The following ZNF843 variants were observed in gnomAD, a reference collection of about 807,000 sequenced individuals.
ZNF843 encodes the protein zinc finger protein 843.
For synonymous variants in ZNF843, 185 were observed against 207.7 expected (o/e 0.89, Z 0.94); for missense variants, 482 against 469.4 (o/e 1.03, Z -0.25).
chr16:31,436,029 C>G lies in ZNF843; in HGVS notation c.821G>C (p.Ser274Thr). Residue 274 changes from serine to threonine, a missense_variant, in exon 2 of 2, where the codon AGC becomes ACC. Coordinates refer to ENST00000315678, the MANE Select transcript of ZNF843 (RefSeq NM_001136509.3). Reference sequence around the variant, plus strand: ...CGCCTCCCGCGAGTCCCGTCCCGCGCTCGCACAGCTTCTGGGCCCCATCGC... The same window carrying G: ...CGCCTCCCGCGAGTCCCGTCCCGCGGTCGCACAGCTTCTGGGCCCCATCGC... ...EGAMGPRSCASAGRDSREAVQ... is the reference protein window; with the variant it reads ...EGAMGPRSCATAGRDSREAVQ... The G allele has an allele frequency of 6.5e-7, 1 of 1,533,508 alleles. No homozygotes were observed. Among genetic ancestry groups the G allele is most frequent in the Non-Finnish European group, 8.8e-7 (1 of 1,138,594 alleles). The allele number at this position is 1,533,508 out of a possible 1,614,324, so 95.0% of individuals were successfully genotyped here. A position where few individuals can be genotyped will look rare whatever the true frequency, so the allele number is the denominator to read the frequency against.
chr16:31,436,769 GGTGAATCTGCCGGTGCTGCAGCA>G lies in ZNF843; in HGVS notation c.58_80del (p.Cys20ProfsTer72), dbSNP rs2082183919. The G allele has an allele frequency of 4.5e-6, 7 of 1,551,864 alleles. No homozygotes were observed. Among genetic ancestry groups the G allele is most frequent in the Non-Finnish European group, 6.1e-6 (7 of 1,147,074 alleles). The stretch of plus-strand genomic sequence containing the variant: ...TGCACTTGCAGGGCTGACGGCCCTG[GGTGAATCTGCCGGTGCTGCAGCA>G]GGTAGGAGCTCTGGCTGAAACGCTT... On this transcript the variant is annotated frameshift_variant, in exon 2 of 2. Transcript: ENST00000315678. LOFTEE classifies it low-confidence loss of function (END_TRUNC).
rs1197562078 is a variant in ZNF843, at chr16:31,435,938, G to T, written c.912C>A (p.Leu304=). 6.5e-7 allele frequency: 1 copy of T among 1,542,736 alleles called. No individual in the cohort carries two copies. The change falls in exon 2 of 2, where the codon CTC becomes CTA. Residue 304 remains leucine (L), a synonymous_variant. Coordinates refer to ENST00000315678, the MANE Select transcript of ZNF843 (RefSeq NM_001136509.3). ...KASQHRAAGP[L]GEARARLQRQ... ...GCTGAAGCCTGGCCCTGGCCTCGCC[G>T]AGCGGTCCGGCCGCTCTGTGCTGCG...
In ZNF843 at chr16:31,436,286, G is replaced by A. The variant is rs750936409; in HGVS notation, c.564C>T (p.Val188=). The A allele has an allele frequency of 6.5e-7, 1 of 1,549,312 alleles. No individual in the cohort carries two copies. The highest frequency in any genetic ancestry group is 1.2e-5 in the South Asian group (1 of 83,636). The change falls in exon 2 of 2, where the codon GTC becomes GTT. Residue 188 remains valine, a synonymous_variant. Transcript: ENST00000315678. The part of the protein sequence containing the change: ...VESVSLAPSS[V]APDSTSGLRP... ...GGAGCCCAGAGGTGCTGTCCGGGGC[G>A]ACTGAGCTGGGTGCGAGGCTGACGC... is the stretch of plus-strand genomic sequence containing the variant.
At chr16:31,438,963 G>T (rs897344696) in intron 1 of ZNF843, among the ~76,000 whole-genome samples, 7 of 132,204 alleles carry the variant, frequency 5.3e-5, no homozygotes, top group Admixed American at 9.0e-5. Flanking sequence ...AGAACACATG[G>T]ACACAGGAAG....
Position 31,435,593 on chromosome 16 carries a change from C to T in ZNF843, c.*210G>A. On this transcript the variant is annotated 3_prime_UTR_variant, in exon 2 of 2. Coordinates refer to ENST00000315678, the MANE Select transcript of ZNF843 (RefSeq NM_001136509.3). ...GTGTGAGTCACCGCCCGCAGCCGCA[C>T]CTGCCTAAATCCCTTAATGTATAAG... 2 of 452,488 alleles carry T rather than the reference C, an allele frequency of 4.4e-6. No homozygotes were observed. Among genetic ancestry groups the T allele is most frequent in the Non-Finnish European group, 3.7e-6 (1 of 267,046 alleles). 28.0% of individuals were successfully genotyped at this position (452,488 alleles called of 1,614,324 possible). A position where few individuals can be genotyped will look rare whatever the true frequency, so the allele number is the denominator to read the frequency against.
chr16:31,437,597 T>G (rs2082188008), intron 1 of ZNF843, among the ~76,000 whole-genome samples: 1 of 148,836 alleles, frequency 6.7e-6, no homozygotes, highest in Non-Finnish European at 1.5e-5. Flanking sequence ...TGAGCTACCA[T>G]GCCCGGCCTC....
At position 31,435,625 on chromosome 16, in the gene ZNF843, G is replaced by A. The variant is rs746364904; in HGVS notation, c.*178C>T. 9 of 584,606 alleles carry A rather than the reference G, an allele frequency of 1.5e-5. No individual in the cohort carries two copies. Among genetic ancestry groups the A allele is most frequent in the Non-Finnish European group, 2.2e-5 (8 of 361,676 alleles). The allele number at this position is 584,606 out of a possible 1,614,324, so 36.2% of individuals were successfully genotyped here. On this transcript the variant is annotated 3_prime_UTR_variant, in exon 2 of 2. Transcript: ENST00000315678. Reference sequence around the variant, plus strand: ...AAATCCCTTAATGTATAAGGGAAAGGAGCGAGAATTCAGGGGAAAAAAAAC... The same window carrying A: ...AAATCCCTTAATGTATAAGGGAAAGAAGCGAGAATTCAGGGGAAAAAAAAC...
chr16:31,436,762 G>C lies in ZNF843; in HGVS notation c.88C>G (p.Arg30Gly). The stretch of plus-strand genomic sequence containing the variant: ...CAGGCCTTGCACTTGCAGGGCTGAC[G>C]GCCCTGGGTGAATCTGCCGGTGCTG... The part of the protein sequence containing the change: ...CCSTGRFTQG[R>G]QPCKCKACGR... The change falls in exon 2 of 2, where the codon CGT becomes GGT. Residue 30 changes from arginine (R) to glycine (G), a missense_variant. Physicochemically the swap from Arg to Gly is moderately radical, Grantham distance 125. Transcript: ENST00000315678. The C allele has an allele frequency of 6.4e-7, 1 of 1,551,750 alleles. No individual in the cohort carries two copies. The highest frequency in any genetic ancestry group is 1.2e-5 in the South Asian group (1 of 84,064).
chr16:31,437,311 T>C (rs1320680997), intron 1 of ZNF843, 127 bp from the exon 2 acceptor site: 2 of 149,310 alleles, frequency 1.3e-5, no homozygotes, highest in Non-Finnish European at 2.9e-5. Context: ...TTTTTTTTTT[T>C]TTTTTTTTTT....
intron 1 of ZNF843, among the ~76,000 whole-genome samples, chr16:31,438,293 G>A (rs1407660471): frequency 6.6e-6 from 1 of 152,210 alleles, no homozygotes; most frequent in Non-Finnish European, 1.5e-5. Flanking sequence ...AGGCCACAAA[G>A]ATAATTAACT....
Position 31,435,948 on chromosome 16 carries a change from G to A in ZNF843, c.902C>T (p.Ala301Val), listed in dbSNP as rs544451336. 11 of 1,538,936 alleles carry A rather than the reference G, an allele frequency of 7.1e-6. No homozygotes were observed. The East Asian group carries it at 2.5e-4, about 34-fold the overall frequency. ...GGCCCTGGCCTCGCCGAGCGGTCCG[G>A]CCGCTCTGTGCTGCGAGGCCTTCCG... ...PARKASQHRA[A>V]GPLGEARARL... Residue 301 changes from alanine to valine, a missense_variant, in exon 2 of 2, where the codon GCC (alanine) becomes GTC (valine). Ala to Val is a moderately conservative substitution (Grantham distance 64). Coordinates refer to ENST00000315678, the MANE Select transcript of ZNF843 (RefSeq NM_001136509.3).
At chr16:31,443,031 A>T (rs577594300), upstream of ZNF843, 2 of 152,394 alleles carry the variant, frequency 1.3e-5, no homozygotes, top group Admixed American at 1.3e-4. Flanking sequence ...AACGACCGAG[A>T]CACTGAGGAC....
chr16:31,437,297 C>CTTTT (rs59710664), intron 1 of ZNF843, 113 bp from the exon 2 acceptor site: 30 of 81,976 alleles, frequency 3.7e-4, no homozygotes, highest in Non-Finnish European at 5.0e-4. Flanking sequence ...TTCTTTCCTT[C>CTTTT]TTTTTTTTTT....
intron 1 of ZNF843, among the ~76,000 whole-genome samples, chr16:31,442,333 A>T (rs996758096): frequency 1.0e-5 from 1 of 96,254 alleles, no homozygotes; most frequent in Non-Finnish European, 2.4e-5. Flanking sequence ...TTATTTATTT[A>T]TTTTTGAGAC....
rs763613527 is a variant in ZNF843, at chr16:31,436,499, A to T, written c.351T>A (p.Arg117=). Residue 117 remains arginine, a synonymous_variant, in exon 2 of 2, where the codon CGT becomes CGA. Coordinates refer to ENST00000315678, the MANE Select transcript of ZNF843 (RefSeq NM_001136509.3). ...TKEHTLAEAL[R]LSPVPAGFWG... The stretch of plus-strand genomic sequence containing the variant: ...AAAAACCTGCTGGTACTGGGGACAG[A>T]CGCAGGGCTTCGGCCAGTGTGTGCT... The T allele has an allele frequency of 1.3e-6, 2 of 1,551,562 alleles. No individual in the cohort carries two copies. Among genetic ancestry groups the T allele is most frequent in the Admixed American group, 3.9e-5 (2 of 51,002 alleles).
Position 31,436,321 on chromosome 16 carries a change from T to C in ZNF843, c.529A>G (p.Ser177Gly), listed in dbSNP as rs2082180773. Reference protein sequence around the residue: ...HPGEKTCRGGSVESVSLAPSS... With the variant: ...HPGEKTCRGGGVESVSLAPSS... ...GGTGCGAGGCTGACGCTCTCCACGCTCCCACCCCTGCAGGTCTTCTCCCCT... is the reference window on the plus strand; with the variant it reads ...GGTGCGAGGCTGACGCTCTCCACGCCCCCACCCCTGCAGGTCTTCTCCCCT... The change falls in exon 2 of 2, where the codon AGC becomes GGC. Residue 177 changes from serine (S) to glycine (G), a missense_variant. Ser to Gly is a moderately conservative substitution (Grantham distance 56, BLOSUM62 0). Transcript: ENST00000315678. The C allele has an allele frequency of 6.5e-7, 1 of 1,547,068 alleles. No individual in the cohort carries two copies. The highest frequency in any genetic ancestry group is 1.4e-5 in the African/African-American group (1 of 73,004).
In ZNF843 at chr16:31,436,175, G is replaced by C. The variant is rs1438855834; in HGVS notation, c.675C>G (p.Pro225=). The change falls in exon 2 of 2, where the codon CCC becomes CCG. Residue 225 remains proline (P), a synonymous_variant. Transcript: ENST00000315678. ...LPRPPFLYPG[P]PLSLQPLVPS... ...GAACCAGAGGCTGGAGACTGAGTGGGGGGCCAGGATAAAGGAAGGGAGGTC... is the reference window on the plus strand; with the variant it reads ...GAACCAGAGGCTGGAGACTGAGTGGCGGGCCAGGATAAAGGAAGGGAGGTC... 1.0e-5 allele frequency: 16 copies of C among 1,540,120 alleles called. No homozygotes were observed. Among genetic ancestry groups the C allele is most frequent in the Non-Finnish European group, 1.2e-5 (14 of 1,140,732 alleles).
chr16:31,436,724 A>G lies in ZNF843; in HGVS notation c.126T>C (p.Phe42=). ...GCTGGAGGAGGGATGCGCTCTGAGTAAAACCCCTCCCGCAGGCCTTGCACT... is the reference window on the plus strand; with the variant it reads ...GCTGGAGGAGGGATGCGCTCTGAGTGAAACCCCTCCCGCAGGCCTTGCACT... The part of the protein sequence containing the change: ...PCKCKACGRG[F]TQSASLLQHW... The change falls in exon 2 of 2, where the codon TTT becomes TTC. Residue 42 remains phenylalanine, a synonymous_variant. Transcript: ENST00000315678. 6.4e-7 allele frequency: 1 copy of G among 1,551,710 alleles called. No homozygotes were observed. Among genetic ancestry groups the G allele is most frequent in the Non-Finnish European group, 8.7e-7 (1 of 1,147,020 alleles).
chr16:31,436,114 C>G lies in ZNF843; in HGVS notation c.736G>C (p.Gly246Arg). 6.4e-7 allele frequency: 1 copy of G among 1,550,408 alleles called. No homozygotes were observed. Among genetic ancestry groups the G allele is most frequent in the Non-Finnish European group, 8.7e-7 (1 of 1,146,494 alleles). Residue 246 changes from glycine to arginine, a missense_variant, in exon 2 of 2, where the codon GGA (glycine) becomes CGA (arginine). By Grantham distance (125) the Gly-to-Arg change is moderately radical (BLOSUM62 -2). Coordinates refer to ENST00000315678, the MANE Select transcript of ZNF843 (RefSeq NM_001136509.3). ...GGAACCTGGGCAACTTCCAGGCCTCCCAGAGGCACTGCAGGCACTGCGGGA... is the reference window on the plus strand; with the variant it reads ...GGAACCTGGGCAACTTCCAGGCCTCGCAGAGGCACTGCAGGCACTGCGGGA... ...GLPAVPAVPL[G>R]GLEVAQVPPA...
Sources: allele counts gnomAD v4.1 joint callset (sites outside exome capture counted in the v4.1 genomes callset), GRCh38; gene constraint gnomAD v4.1.1; transcripts MANE v1.5; gene names NCBI Gene and HGNC (gene_info 2026-07-23, HGNC 2026-07-21).